The following SGCZ variants were observed in gnomAD, a reference collection of about 807,000 sequenced individuals.
SGCZ encodes the protein zeta-sarcoglycan.
SGCZ carries 40 observed loss-of-function variants against 41.3 expected under a neutral mutation model. The observed-to-expected ratio is 0.97, with a 90% confidence interval of 0.75 to 1.26. The LOEUF is 1.26. Among genes scored for constraint, SGCZ ranks in the 50% most tolerant of loss-of-function variants. The pLI is 0.00. For synonymous variants in SGCZ, 206 were observed against 137.5 expected (o/e 1.50, Z -3.49); for missense variants, 552 against 369.8 (o/e 1.49, Z -4.04).
At chr8:15,087,369 G>T (rs1044366522) in intron 1 of SGCZ, among the ~76,000 whole-genome samples, 6 of 151,948 alleles carry the variant, frequency 3.9e-5, no homozygotes, top group African/African-American at 1.5e-4. Flanking sequence ...GTGCATGTTG[G>T]GATATCTACA....
chr8:14,189,956 C>G (rs1401184184), intron 4 of SGCZ, among the ~76,000 whole-genome samples: 2 of 151,426 alleles, frequency 1.3e-5, no homozygotes. Flanking sequence ...AGCATAATGT[C>G]CTTTAGGTTC....
At chr8:15,142,991 T>C (rs941936760) in intron 1 of SGCZ, among the ~76,000 whole-genome samples, 6 of 152,220 alleles carry the variant, frequency 3.9e-5, no homozygotes, top group African/African-American at 1.4e-4. Flanking sequence ...GGTTAACCTA[T>C]AGTTTTGAGA....
intron 2 of SGCZ, among the ~76,000 whole-genome samples, chr8:14,331,995 T>A (rs1196781971): frequency 6.6e-6 from 1 of 151,876 alleles, no homozygotes; most frequent in African/African-American, 2.4e-5. Context: ...TATTTATGAA[T>A]AAATATAAAT....
chr8:14,786,862 A>G (rs1374172387), intron 1 of SGCZ, among the ~76,000 whole-genome samples: 1 of 151,256 alleles, frequency 6.6e-6, no homozygotes, highest in East Asian at 1.9e-4. Flanking sequence ...CAAAAAACAC[A>G]TAGATTAAGT....
At chr8:15,002,543 G>A (rs115280093) in intron 1 of SGCZ, among the ~76,000 whole-genome samples, 1,538 of 152,122 alleles carry the variant, frequency 0.01, 32 homozygotes, top group African/African-American at 0.035. Flanking sequence ...CTGACAAGTC[G>A]CTGGTAGGTA....
chr8:14,504,922 A>T (rs1355132219), intron 2 of SGCZ, among the ~76,000 whole-genome samples: 2 of 152,162 alleles, frequency 1.3e-5, no homozygotes, highest in Non-Finnish European at 2.9e-5. Context: ...TCTACCCTTT[A>T]CCAATGAAAG....
intron 2 of SGCZ, among the ~76,000 whole-genome samples, chr8:14,388,992 G>GA (rs1318590484): frequency 6.6e-5 from 10 of 151,776 alleles, no homozygotes; most frequent in African/African-American, 2.2e-4. Context: ...TCACAGACAA[G>GA]AAAAAAGCAT....
At chr8:14,605,613 G>T (rs907160125) in intron 1 of SGCZ, among the ~76,000 whole-genome samples, 7 of 151,906 alleles carry the variant, frequency 4.6e-5, no homozygotes, top group Non-Finnish European at 7.4e-5. Flanking sequence ...ATCTCCCTAA[G>T]TTCAATTAAT....
intron 1 of SGCZ, among the ~76,000 whole-genome samples, chr8:14,771,716 A>G (rs1800246168): frequency 6.6e-6 from 1 of 152,142 alleles, no homozygotes; most frequent in Admixed American, 6.5e-5. Flanking sequence ...TCTCTTCACG[A>G]AGATAAGATC....
At chr8:14,929,685 CAG>C (rs969749771) in intron 1 of SGCZ, among the ~76,000 whole-genome samples, 1 of 151,980 alleles carries the variant, frequency 6.6e-6, no homozygotes, top group Admixed American at 6.6e-5. Context: ...TTTGTTATGT[CAG>C]AGATAAACTA....
At chr8:14,811,936 T>A (rs1402573359) in intron 1 of SGCZ, among the ~76,000 whole-genome samples, 1 of 152,016 alleles carries the variant, frequency 6.6e-6, no homozygotes, top group Non-Finnish European at 1.5e-5. Flanking sequence ...TCTGCATTCA[T>A]CAATTAATTA....
At chr8:14,281,969 C>G (rs2116919666) in intron 3 of SGCZ, among the ~76,000 whole-genome samples, 1 of 152,148 alleles carries the variant, frequency 6.6e-6, no homozygotes, top group Non-Finnish European at 1.5e-5. Flanking sequence ...CATCAATCCC[C>G]TTCTACAACA....
At chr8:14,971,013 T>C (rs1479952354) in intron 1 of SGCZ, among the ~76,000 whole-genome samples, 1 of 152,234 alleles carries the variant, frequency 6.6e-6, no homozygotes, top group Non-Finnish European at 1.5e-5. Flanking sequence ...TCTGTAAGTT[T>C]TGTCTCTAGG....
chr8:14,973,371 T>G (rs879660270), intron 1 of SGCZ, among the ~76,000 whole-genome samples: 1 of 152,172 alleles, frequency 6.6e-6, no homozygotes, highest in South Asian at 2.1e-4. Context: ...GTACTTTTCC[T>G]TGCTGGTTGG....
intron 2 of SGCZ, among the ~76,000 whole-genome samples, chr8:14,427,806 A>G (rs1799829196): frequency 6.6e-6 from 1 of 152,152 alleles, no homozygotes; most frequent in South Asian, 2.1e-4. Context: ...TAAGCCACAC[A>G]GTTGGCCCTA....
At chr8:14,245,895 A>G (rs965195087) in intron 3 of SGCZ, among the ~76,000 whole-genome samples, 4 of 152,220 alleles carry the variant, frequency 2.6e-5, no homozygotes, top group African/African-American at 9.6e-5. Context: ...AACCACCATG[A>G]GATACCATCT....
intron 1 of SGCZ, among the ~76,000 whole-genome samples, chr8:15,176,857 C>G (rs1258824960): frequency 6.6e-6 from 1 of 152,104 alleles, no homozygotes; most frequent in Non-Finnish European, 1.5e-5. Context: ...CAAAATTAGC[C>G]AGGCGTGGTG....
At chr8:14,618,486 G>C (rs1806179193) in intron 1 of SGCZ, among the ~76,000 whole-genome samples, 1 of 152,144 alleles carries the variant, frequency 6.6e-6, no homozygotes, top group South Asian at 2.1e-4. Flanking sequence ...GGGCAGCAAA[G>C]ATGACCAGAT....
At chr8:14,304,030 G>C (rs1801275280) in intron 3 of SGCZ, among the ~76,000 whole-genome samples, 1 of 152,192 alleles carries the variant, frequency 6.6e-6, no homozygotes, top group African/African-American at 2.4e-5. Flanking sequence ...AGGATTGCAG[G>C]CGTGAGCCAC....
Sources: gnomAD v4.1 joint callset for allele counts (sites outside exome capture counted in the v4.1 genomes callset) on GRCh38, gnomAD v4.1.1 for gene constraint, MANE v1.5 for transcripts, NCBI Gene and HGNC (gene_info 2026-07-23, HGNC 2026-07-21) for gene names.